NT5C2: variants seen among roughly 807,000 people sequenced by gnomAD.
The protein encoded by NT5C2 is cytosolic purine 5'-nucleotidase.
In NT5C2, 58 loss-of-function variants were observed where a neutral mutation model predicts 76.1. The observed-to-expected ratio is 0.76, with a 90% CI of 0.62 to 0.95. The LOEUF is 0.95. Ranked by LOEUF, NT5C2 falls within the 40% of genes least tolerant of loss-of-function variation. The pLI is 0.00. For missense variants in NT5C2, 478 were observed against 690.3 expected (o/e 0.69, Z 3.45); for synonymous variants, 229 against 237.4 (o/e 0.96, Z 0.32).
chr10:103,128,075 C>CTCTCCCTCTCCCTCTG (rs1465565095), intron 4 of NT5C2, among the ~76,000 whole-genome samples: 13 of 145,242 alleles, frequency 9.0e-5, no homozygotes, highest in African/African-American at 2.1e-4. Context: ...CTCCCTCTCC[C>CTCTCCCTCTCCCTCTG]TCTCCCTCTC....
chr10:103,106,724 T>C lies in NT5C2; in HGVS notation c.176-18A>G. On this transcript the variant is annotated intron_variant, in intron 4 of 18. Transcript: ENST00000404739. Reference sequence around the variant, plus strand: ...CTTGTACACTGCACAAAGAGGAGGTTTTCATTAGTTAGCAGAAAGAACAGC... The same window carrying C: ...CTTGTACACTGCACAAAGAGGAGGTCTTCATTAGTTAGCAGAAAGAACAGC... 1 of 1,404,430 alleles carries C rather than the reference T, an allele frequency of 7.1e-7. No homozygotes were observed. The highest frequency in any genetic ancestry group is 1.4e-5 in the African/African-American group (1 of 70,848). 87.0% of individuals were successfully genotyped at this position (1,404,430 alleles called of 1,614,324 possible). A position where few individuals can be genotyped will look rare whatever the true frequency, so the allele number is the denominator to read the frequency against.
At chr10:103,190,633 G>A (rs1244977867) in intron 1 of NT5C2, among the ~76,000 whole-genome samples, 1 of 152,162 alleles carries the variant, frequency 6.6e-6, no homozygotes, top group East Asian at 1.9e-4. Context: ...GTTCCCCGAG[G>A]TTGCATGATG....
At chr10:103,165,673 G>T (rs949787548) in intron 3 of NT5C2, among the ~76,000 whole-genome samples, 3 of 117,272 alleles carry the variant, frequency 2.6e-5, no homozygotes, top group African/African-American at 9.3e-5. Flanking sequence ...CCTCCCAAGA[G>T]AATTTTTTTT....
At chr10:103,095,371 G>A (rs1429479352) in intron 12 of NT5C2, among the ~76,000 whole-genome samples, 1 of 152,184 alleles carries the variant, frequency 6.6e-6, no homozygotes, top group African/African-American at 2.4e-5. Flanking sequence ...ACAGGGATTT[G>A]CTGATGTTTA....
intron 3 of NT5C2, among the ~76,000 whole-genome samples, chr10:103,172,783 T>G (rs2088561951): frequency 6.6e-6 from 1 of 151,900 alleles, no homozygotes; most frequent in Non-Finnish European, 1.5e-5. Flanking sequence ...TGCAGTGAGC[T>G]GAGATCGCAT....
intron 4 of NT5C2, among the ~76,000 whole-genome samples, chr10:103,129,300 G>T (rs2077443513): frequency 8.2e-6 from 1 of 121,766 alleles, no homozygotes. Context: ...GAGGGAGGTG[G>T]GGGGGTCAGC....
At chr10:103,105,880 G>T in intron 5 of NT5C2, 79 bp from the exon 6 acceptor site, 1 of 927,116 alleles carries the variant, frequency 1.1e-6, no homozygotes, top group South Asian at 1.5e-5. Context: ...TAATCATCAT[G>T]AACCAACCTC....
chr10:103,119,092 G>A (rs568248694), intron 4 of NT5C2, among the ~76,000 whole-genome samples: 31 of 152,024 alleles, frequency 2.0e-4, no homozygotes, highest in African/African-American at 6.5e-4. Context: ...TCAGAGGGCC[G>A]GGCACAGTGG....
At chr10:103,151,113 T>G (rs1030541786) in intron 3 of NT5C2, among the ~76,000 whole-genome samples, 1 of 152,124 alleles carries the variant, frequency 6.6e-6, no homozygotes, top group African/African-American at 2.4e-5. Flanking sequence ...AGGGTCAAGG[T>G]TCATTTTTTT....
intron 4 of NT5C2, among the ~76,000 whole-genome samples, chr10:103,130,936 A>G (rs2078052628): frequency 6.6e-6 from 1 of 152,214 alleles, no homozygotes; most frequent in Non-Finnish European, 1.5e-5. Flanking sequence ...TCAATTTGCC[A>G]AGACTAAATC....
Position 103,089,569 on chromosome 10 carries a change from G to A in NT5C2, c.*103C>T. ...ACTTTTCAGACGTACCTTTCATGGAGCCCCCTCCCTCCCCCGAGTAGAACC... is the reference window on the plus strand; with the variant it reads ...ACTTTTCAGACGTACCTTTCATGGAACCCCCTCCCTCCCCCGAGTAGAACC... On this transcript the variant is annotated 3_prime_UTR_variant, in exon 19 of 19. Coordinates refer to ENST00000404739, the MANE Select transcript of NT5C2 (RefSeq NM_001351169.2). The A allele has an allele frequency of 7.0e-7, 1 of 1,425,088 alleles. No individual in the cohort carries two copies. The allele number at this position is 1,425,088 out of a possible 1,614,324, so 88.3% of individuals were successfully genotyped here. A position where few individuals can be genotyped will look rare whatever the true frequency, so the allele number is the denominator to read the frequency against.
chr10:103,105,178 ATAT>A (rs1418768570), intron 6 of NT5C2, among the ~76,000 whole-genome samples: 2 of 152,186 alleles, frequency 1.3e-5, no homozygotes, highest in Non-Finnish European at 2.9e-5. Context: ...TTTGTTTAAA[ATAT>A]TATTAGCACA....
chr10:103,118,761 A>G (rs1287744307), intron 4 of NT5C2, among the ~76,000 whole-genome samples: 1 of 151,826 alleles, frequency 6.6e-6, no homozygotes, highest in African/African-American at 2.4e-5. Context: ...ATGTTTTCTA[A>G]TTTATTTTTA....
At chr10:103,128,080 C>G (rs866032379) in intron 4 of NT5C2, among the ~76,000 whole-genome samples, 2 of 136,498 alleles carry the variant, frequency 1.5e-5, no homozygotes, top group African/African-American at 2.8e-5. Context: ...TCTCCCTCTC[C>G]CTCTCCCTCT....
intron 1 of NT5C2, among the ~76,000 whole-genome samples, chr10:103,182,720 T>C (rs1002321612): frequency 6.6e-6 from 1 of 152,156 alleles, no homozygotes; most frequent in Non-Finnish European, 1.5e-5. Context: ...AAAACTTACA[T>C]GGAAAGGATA....
intron 3 of NT5C2, chr10:103,153,216 T>C (rs1325790051): frequency 1.8e-6 from 2 of 1,083,422 alleles, no homozygotes; most frequent in Non-Finnish European, 1.2e-6. Flanking sequence ...GCACTGCTTA[T>C]TAATCTTTTA....
intron 15 of NT5C2, 93 bp from the exon 16 acceptor site, chr10:103,091,708 TGGAAAGTAGAACCTG>T: frequency 9.7e-7 from 1 of 1,027,128 alleles, no homozygotes; most frequent in Non-Finnish European, 1.5e-6. Context: ...CAGATGTGAC[TGGAAAGTAGAACCTG>T]GGACTAACAT....
rs115425687 is a variant in NT5C2 at position 103,095,101 on chromosome 10, C to T, written c.814-646G>A. On this transcript the variant is annotated intron_variant, in intron 12 of 18. Coordinates refer to ENST00000404739, the MANE Select transcript of NT5C2 (RefSeq NM_001351169.2). ...AGCTAGGGAGAGATGCAAATCAATA[C>T]CCAAGGGACAGATTAAGACAGAGGC... 2.3e-3 allele frequency among the ~76,000 whole-genome samples: 344 copies of T among 152,204 alleles called. 4 individuals carry two copies. Among genetic ancestry groups the T allele is most frequent in the African/African-American group, 7.9e-3 (326 of 41,526 alleles).
At chr10:103,105,510 A>C in intron 6 of NT5C2, 196 bp downstream of exon 6, 1 of 531,322 alleles carries the variant, frequency 1.9e-6, no homozygotes, top group Non-Finnish European at 3.3e-6. Flanking sequence ...TAATTTAAAC[A>C]AAATGTAATT....
Sources: gnomAD v4.1 joint callset for allele counts (sites outside exome capture counted in the v4.1 genomes callset) on GRCh38, gnomAD v4.1.1 for gene constraint, MANE v1.5 for transcripts, NCBI Gene and HGNC (gene_info 2026-07-23, HGNC 2026-07-21) for gene names.